The following LOC128092252 variants were observed in gnomAD, a reference collection of about 807,000 sequenced individuals.
At chr15:50,662,728 G>C in the LOC128092252 span, among the ~76,000 whole-genome samples, 1 of 152,146 alleles carries the variant, frequency 6.6e-6, no homozygotes, top group East Asian at 1.9e-4. Flanking sequence ...TTTAGAGATG[G>C]AGGAACACTT....
At chr15:50,652,686 C>A in the LOC128092252 span, among the ~76,000 whole-genome samples, 119 of 152,120 alleles carry the variant, frequency 7.8e-4, no homozygotes, top group African/African-American at 2.7e-3. Context: ...CAATTCATTT[C>A]ATGAGGTGAG....
the LOC128092252 span, chr15:50,686,653 G>C: frequency 3.2e-5 from 45 of 1,413,552 alleles, no homozygotes; most frequent in Non-Finnish European, 4.2e-5. Context: ...GACAAGGAAC[G>C]CCCAGGGAAA....
chr15:50,655,000 C>CAAAAAAA, the LOC128092252 span, among the ~76,000 whole-genome samples: 2 of 69,432 alleles, frequency 2.9e-5, no homozygotes, highest in African/African-American at 5.8e-5. Flanking sequence ...CACTCCGTCT[C>CAAAAAAA]AAAAAAAAAA....
the LOC128092252 span, chr15:50,657,779 A>G: frequency 6.2e-7 from 1 of 1,611,606 alleles, no homozygotes; most frequent in Non-Finnish European, 8.5e-7. Flanking sequence ...TGTTAAACTT[A>G]CCTGACGAGT....
the LOC128092252 span, among the ~76,000 whole-genome samples, chr15:50,658,508 T>C: frequency 6.7e-6 from 1 of 148,194 alleles, no homozygotes; most frequent in Non-Finnish European, 1.5e-5. Flanking sequence ...AGGTCGAGGC[T>C]AAAGTGAGCC....
chr15:50,678,970 T>C, the LOC128092252 span, among the ~76,000 whole-genome samples: 1 of 152,150 alleles, frequency 6.6e-6, no homozygotes, highest in Non-Finnish European at 1.5e-5. Flanking sequence ...ACCTCCTGGG[T>C]TCAAGAGATT....
chr15:50,662,661 A>T, the LOC128092252 span, among the ~76,000 whole-genome samples: 6 of 151,972 alleles, frequency 3.9e-5, no homozygotes. Context: ...CCATTAAAAA[A>T]TAAGAGAGTC....
the LOC128092252 span, among the ~76,000 whole-genome samples, chr15:50,674,511 CTAT>C: frequency 0.014 from 2,066 of 152,204 alleles, 56 homozygotes; most frequent in African/African-American, 0.048. Context: ...ATTATTGTTG[CTAT>C]TATTATTTTT....
the LOC128092252 span, among the ~76,000 whole-genome samples, chr15:50,650,192 CAAAAAAAAAAAAAAAAAAA>C: frequency 1.6e-5 from 1 of 62,302 alleles, no homozygotes; most frequent in Non-Finnish European, 2.7e-5. Flanking sequence ...GACTTTGTCT[CAAAAAAAAAAAAAAAAAAA>C]AAAAAAAAAA....
chr15:50,654,283 T>C, the LOC128092252 span, among the ~76,000 whole-genome samples: 1 of 150,844 alleles, frequency 6.6e-6, no homozygotes, highest in East Asian at 1.9e-4. Context: ...CCATCTCTAC[T>C]AAAAATATAA....
At chr15:50,651,768 T>C in the LOC128092252 span, among the ~76,000 whole-genome samples, 1 of 152,054 alleles carries the variant, frequency 6.6e-6, no homozygotes, top group Non-Finnish European at 1.5e-5. Context: ...CAGTCGCCTG[T>C]AATCCCAGCT....
At chr15:50,677,900 T>C in the LOC128092252 span, among the ~76,000 whole-genome samples, 1 of 151,828 alleles carries the variant, frequency 6.6e-6, no homozygotes. Flanking sequence ...AATTGCCTAC[T>C]AATAAAGTTC....
chr15:50,656,219 C>T, the LOC128092252 span, among the ~76,000 whole-genome samples: 151 of 152,218 alleles, frequency 9.9e-4, 1 homozygote, highest in African/African-American at 3.4e-3. Context: ...CCAGATGGAA[C>T]CTCACCATCT....
chr15:50,673,973 T>C, the LOC128092252 span, among the ~76,000 whole-genome samples: 2 of 152,180 alleles, frequency 1.3e-5, no homozygotes, highest in African/African-American at 2.4e-5. Flanking sequence ...AATAAGGTGG[T>C]ATTATTGCAT....
chr15:50,678,583 G>A, the LOC128092252 span, among the ~76,000 whole-genome samples: 9 of 149,308 alleles, frequency 6.0e-5, no homozygotes, highest in Non-Finnish European at 1.2e-4. Context: ...ATGTCACAGA[G>A]TTCCACTCTT....
At chr15:50,673,839 T>C in the LOC128092252 span, among the ~76,000 whole-genome samples, 1 of 152,198 alleles carries the variant, frequency 6.6e-6, no homozygotes, top group East Asian at 1.9e-4. Flanking sequence ...AATCTCCACA[T>C]TGTTTCCCAT....
At chr15:50,681,875 G>A in the LOC128092252 span, among the ~76,000 whole-genome samples, 1 of 152,148 alleles carries the variant, frequency 6.6e-6, no homozygotes, top group Non-Finnish European at 1.5e-5. Flanking sequence ...TTTACAGATT[G>A]AGAAGATAAC....
chr15:50,656,012 A>C, the LOC128092252 span, among the ~76,000 whole-genome samples: 16 of 150,802 alleles, frequency 1.1e-4, no homozygotes, highest in African/African-American at 3.9e-4. Flanking sequence ...AAAAAAACAA[A>C]AAAAAAAAAC....
At chr15:50,679,235 T>G in the LOC128092252 span, among the ~76,000 whole-genome samples, 15 of 150,818 alleles carry the variant, frequency 9.9e-5, 1 homozygote, top group Admixed American at 9.4e-4. Flanking sequence ...CTTGGGAGGC[T>G]GAAGTGGCAG....
Sources: allele counts gnomAD v4.1 joint callset (sites outside exome capture counted in the v4.1 genomes callset), GRCh38; gene constraint gnomAD v4.1.1; transcripts MANE v1.5.